MAPK8IP3: variants seen among roughly 807,000 people sequenced by gnomAD.
MAPK8IP3 encodes the protein C-Jun-amino-terminal kinase-interacting protein 3.
MAPK8IP3 carries 49 observed loss-of-function variants against 157.8 expected under a neutral mutation model. The observed-to-expected ratio is 0.31, with a 90% confidence interval of 0.25 to 0.39. The LOEUF (loss-of-function observed/expected upper bound fraction) is 0.39, where lower values mean the gene tolerates loss of function less well. MAPK8IP3 is among the 10% of genes least tolerant of loss of function. MAPK8IP3 has a pLI of 1.00. For synonymous variants in MAPK8IP3, 897 were observed against 777.7 expected, an observed-to-expected ratio of 1.15 and a Z score of -2.55; for missense variants, 1,478 against 1,889.4, an observed-to-expected ratio of 0.78 and a Z score of 4.04.
rs553019185 is a variant in MAPK8IP3, at chr16:1,751,523, C to G, written c.1216+2803C>G. 180 of 152,130 alleles carry G rather than the reference C, an allele frequency of 1.2e-3. 1 individual carries two copies. Among genetic ancestry groups the G allele is most frequent in the Non-Finnish European group, 1.7e-3 (113 of 67,994 alleles). 9.4% of individuals were successfully genotyped at this position (152,130 alleles called of 1,614,324 possible). A position where few individuals can be genotyped will look rare whatever the true frequency, so the allele number is the denominator to read the frequency against. On this transcript the variant is annotated intron_variant, in intron 8 of 31. Coordinates refer to ENST00000610761, the MANE Select transcript of MAPK8IP3 (RefSeq NM_001318852.2). This position sits in a 1 kb window ranked among gnomAD's most constrained non-coding sequence, Gnocchi z 5.0. ...TGAGAGCTCGGACTTGAACGCAGGTCCCACCCAGAACAGCAGCCCTAACTC... is the reference window on the plus strand; with the variant it reads ...TGAGAGCTCGGACTTGAACGCAGGTGCCACCCAGAACAGCAGCCCTAACTC...
chr16:1,724,592 G>A lies in MAPK8IP3; in HGVS notation c.354G>A (p.Glu118=), dbSNP rs2142333650. The change falls in exon 2 of 32, where the codon GAG becomes GAA. Residue 118 remains glutamate (E), a synonymous_variant. Transcript: ENST00000610761. This position sits in a 1 kb window ranked among gnomAD's most constrained non-coding sequence, Gnocchi z 4.1. ...AGTTTGAAGATGCTCTGGAACAAGAGAAGAAAGAGCTGCAAATCCAGGTGG... is the reference window on the plus strand; with the variant it reads ...AGTTTGAAGATGCTCTGGAACAAGAAAAGAAAGAGCTGCAAATCCAGGTGG... ...FIEFEDALEQ[E]KKELQIQVEH... 2 of 1,613,644 alleles carry A rather than the reference G, an allele frequency of 1.2e-6. No individual in the cohort carries two copies. Among genetic ancestry groups the A allele is most frequent in the East Asian group, 2.2e-5 (1 of 44,888 alleles).
intron 2 of MAPK8IP3, among the ~76,000 whole-genome samples, chr16:1,725,846 C>T (rs962610410): frequency 5.9e-5 from 9 of 151,836 alleles, no homozygotes; most frequent in Non-Finnish European, 1.0e-4. Flanking sequence ...TACAGGTGCC[C>T]GCCACCACAC....
chr16:1,743,325 A>G lies in MAPK8IP3; in HGVS notation c.603-7A>G, dbSNP rs2040785874. 1 of 1,545,200 alleles carries G rather than the reference A, an allele frequency of 6.5e-7. No individual in the cohort carries two copies. The highest frequency in any genetic ancestry group is 2.2e-5 in the Admixed American group (1 of 44,918). ...ATCGCTTCCTCTCCTCTCGCCCCCCATTTCAGCAGGAAGGAGCGCCCCACC... is the reference window on the plus strand; with the variant it reads ...ATCGCTTCCTCTCCTCTCGCCCCCCGTTTCAGCAGGAAGGAGCGCCCCACC... On this transcript the variant is annotated splice_region_variant and splice_polypyrimidine_tract_variant and intron_variant, in intron 4 of 31. Coordinates refer to ENST00000610761, the MANE Select transcript of MAPK8IP3 (RefSeq NM_001318852.2). The surrounding 1 kb of genome is among the most constrained non-coding windows in gnomAD (Gnocchi z 5.6).
chr16:1,731,816 CT>C (rs1178203190), intron 4 of MAPK8IP3, among the ~76,000 whole-genome samples: 1 of 152,180 alleles, frequency 6.6e-6, no homozygotes, highest in African/African-American at 2.4e-5. Flanking sequence ...TATTTTTCCC[CT>C]AGGGGCAATG....
Position 1,706,546 on chromosome 16 carries a change from G to A in MAPK8IP3, c.207G>A (p.Val69=), listed in dbSNP as rs755200082. The A allele has an allele frequency of 5.6e-6, 9 of 1,613,658 alleles. No homozygotes were observed. The highest frequency in any genetic ancestry group is 1.6e-4 in the Middle Eastern group (1 of 6,084). The change falls in exon 1 of 32, where the codon GTG becomes GTA. Residue 69 remains valine (V), a synonymous_variant. Transcript: ENST00000610761. The surrounding 1 kb of genome is among the most constrained non-coding windows in gnomAD (Gnocchi z 5.1). ...ACGTGCTGGAGAACCTAGACTCGGT[G>A]CTCAGCGAGAACCAGGAGCACGAGG... The part of the protein sequence containing the change: ...VVNVLENLDS[V]LSENQEHEVE...
At chr16:1,728,515 C>A (rs982494582) in intron 2 of MAPK8IP3, among the ~76,000 whole-genome samples, 2 of 152,206 alleles carry the variant, frequency 1.3e-5, no homozygotes, top group African/African-American at 4.8e-5. Flanking sequence ...GTTTCCCCAC[C>A]CCCATATTTA....
chr16:1,756,114 G>A (rs548795403), intron 8 of MAPK8IP3, among the ~76,000 whole-genome samples: 74 of 152,288 alleles, frequency 4.9e-4, no homozygotes, highest in African/African-American at 1.7e-3. Flanking sequence ...GCTCCTTCGA[G>A]GGAGCAGTCG....
rs758533722 is a variant in MAPK8IP3, at chr16:1,760,502, G to T, written c.1427G>T (p.Arg476Leu). ...AKQAKVKLEN[R>L]IKELEEELKR... Reference sequence around the variant, plus strand: ...CAGGCCAAAGTCAAGCTGGAAAACCGTATCAAGGAGCTGGAAGAGGAACTG... The same window carrying T: ...CAGGCCAAAGTCAAGCTGGAAAACCTTATCAAGGAGCTGGAAGAGGAACTG... Residue 476 changes from arginine (R) to leucine (L), a missense_variant, in exon 12 of 32, where the codon CGT (arginine) becomes CTT (leucine). Around this residue, in one of 11 missense-constraint regions of MAPK8IP3, gnomAD observed 96 missense variants for 106.3 expected, o/e 0.90. Coordinates refer to ENST00000610761, the MANE Select transcript of MAPK8IP3 (RefSeq NM_001318852.2). 11 of 1,613,582 alleles carry T rather than the reference G, an allele frequency of 6.8e-6. No individual in the cohort carries two copies. Among genetic ancestry groups the T allele is most frequent in the Non-Finnish European group, 9.3e-6 (11 of 1,179,630 alleles).
At chr16:1,720,563 C>T (rs1318216467) in intron 1 of MAPK8IP3, among the ~76,000 whole-genome samples, 1 of 152,216 alleles carries the variant, frequency 6.6e-6, no homozygotes, top group Non-Finnish European at 1.5e-5. Context: ...GCTCTACACA[C>T]ACACATACAA....
intron 1 of MAPK8IP3, chr16:1,713,417 A>G (rs2037925511): frequency 6.6e-6 from 1 of 152,234 alleles, no homozygotes; most frequent in Non-Finnish European, 1.5e-5. Context: ...ACATGTGGCC[A>G]GGGCTTCCAT....
At position 1,764,472 on chromosome 16, in the gene MAPK8IP3, G is replaced by T. The variant is rs751603722; in HGVS notation, c.2280+13G>T. ...CGAGAAGAAGAAGGTGAGCATGGCC[G>T]AGGCCACCGGGCACCCTCCCTGGCT... On this transcript the variant is annotated intron_variant, in intron 19 of 31. Transcript: ENST00000610761. 1.2e-6 allele frequency: 2 copies of T among 1,606,040 alleles called. No individual in the cohort carries two copies. Among genetic ancestry groups the T allele is most frequent in the South Asian group, 1.1e-5 (1 of 90,008 alleles).
rs375435033 is a variant in MAPK8IP3, at chr16:1,767,926, G to C, written c.3523+8G>C. 8.3e-4 allele frequency: 1,337 copies of C among 1,609,876 alleles called. 3 individuals are homozygous for C. The highest frequency in any genetic ancestry group is 1.0e-3 in the Non-Finnish European group (1,202 of 1,179,156). ...CCATCCCCCTGACAGAGAGTGAGTGGCCTGCACACCTGCAGGGGCAGTGGT... is the reference window on the plus strand; with the variant it reads ...CCATCCCCCTGACAGAGAGTGAGTGCCCTGCACACCTGCAGGGGCAGTGGT... On this transcript the variant is annotated splice_region_variant and intron_variant, in intron 28 of 31. Transcript: ENST00000610761.
At position 1,764,286 on chromosome 16, in the gene MAPK8IP3, G is replaced by GC; in HGVS notation, c.2122-12dup. 2 of 1,583,632 alleles carry GC rather than the reference G, an allele frequency of 1.3e-6. No individual in the cohort carries two copies. Among genetic ancestry groups the GC allele is most frequent in the Non-Finnish European group, 1.7e-6 (2 of 1,166,286 alleles). ...GGAGTGCCGGTGACACCCGACCTCGGCCCTGCCCTTGCAGCTGTGGTGTGC... is the reference window on the plus strand; with the variant it reads ...GGAGTGCCGGTGACACCCGACCTCGGCCCCTGCCCTTGCAGCTGTGGTGTGC... On this transcript the variant is annotated splice_polypyrimidine_tract_variant and intron_variant, in intron 18 of 31. Transcript: ENST00000610761.
In MAPK8IP3 at chr16:1,751,163, G is replaced by A. The variant is rs950245080; in HGVS notation, c.1216+2443G>A. On this transcript the variant is annotated intron_variant, in intron 8 of 31. Transcript: ENST00000610761. The surrounding 1 kb of genome is among the most constrained non-coding windows in gnomAD (Gnocchi z 5.0). ...CCTGCCAGTGTCCCCATTTATAGAT[G>A]AAGAAACTGAGGCCGGGCACAGTGG... 6.6e-6 allele frequency among the ~76,000 whole-genome samples: 1 copy of A among 151,952 alleles called. No homozygotes were observed. Among genetic ancestry groups the A allele is most frequent in the African/African-American group, 2.4e-5 (1 of 41,400 alleles).
rs111816884 is a variant in MAPK8IP3, at chr16:1,724,483, C to T, written c.319-74C>T. The stretch of plus-strand genomic sequence containing the variant: ...TTGGCCCCTGGGCCCTCAAAGCCTG[C>T]GGCCCTTCAAGTGAAAGGCGGCTGC... On this transcript the variant is annotated intron_variant, in intron 1 of 31. Coordinates refer to ENST00000610761, the MANE Select transcript of MAPK8IP3 (RefSeq NM_001318852.2). The surrounding 1 kb of genome is among the most constrained non-coding windows in gnomAD (Gnocchi z 4.1). The T allele has an allele frequency of 0.051, 79,697 of 1,558,326 alleles. 2,449 individuals are homozygous for T. Among genetic ancestry groups the T allele is most frequent in the Non-Finnish European group, 0.061 (70,302 of 1,148,644 alleles).
chr16:1,766,243 G>A lies in MAPK8IP3; in HGVS notation c.2653G>A (p.Gly885Arg), dbSNP rs756995303. The change falls in exon 22 of 32, where the codon GGG becomes AGG. Residue 885 changes from glycine to arginine, a missense_variant. By Grantham distance (125) the Gly-to-Arg change is moderately radical. Coordinates refer to ENST00000610761, the MANE Select transcript of MAPK8IP3 (RefSeq NM_001318852.2). ...GQGEVATIAN[G>R]KVNPSQSTEE... Reference sequence around the variant, plus strand: ...AGGGGAGGTGGCCACCATCGCCAACGGGAAGGTCAACCCGTCCCAGTCCAC... The same window carrying A: ...AGGGGAGGTGGCCACCATCGCCAACAGGAAGGTCAACCCGTCCCAGTCCAC... 79 of 1,610,286 alleles carry A rather than the reference G, an allele frequency of 4.9e-5. No individual in the cohort carries two copies. Among genetic ancestry groups the A allele is most frequent in the Middle Eastern group, 1.6e-4 (1 of 6,080 alleles).
chr16:1,740,006 CCGTGTGAG>C (rs2040548299), intron 4 of MAPK8IP3, among the ~76,000 whole-genome samples: 1 of 103,062 alleles, frequency 9.7e-6, no homozygotes, highest in Non-Finnish European at 1.9e-5. Flanking sequence ...GTGTGACCAT[CCGTGTGAG>C]CGTGTGAGCA....
In MAPK8IP3 at chr16:1,747,114, C is replaced by T. The variant is rs1365639070; in HGVS notation, c.833C>T (p.Thr278Ile). The T allele has an allele frequency of 1.2e-6, 2 of 1,613,840 alleles. No homozygotes were observed. Among genetic ancestry groups the T allele is most frequent in the African/African-American group, 1.3e-5 (1 of 74,936 alleles). ...ACAGGCACCAAGTCCAACACGCCCA[C>T]ATCCTCCGTGCCCTCGGCCGCCGTC... is the stretch of plus-strand genomic sequence containing the variant. ...STTGTKSNTPTSSVPSAAVTP... is the reference protein window; with the variant it reads ...STTGTKSNTPISSVPSAAVTP... Residue 278 changes from threonine to isoleucine, a missense_variant, in exon 6 of 32, where the codon ACA (threonine) becomes ATA (isoleucine). This residue lies in a region of MAPK8IP3 where 315 missense variants were observed against 394.4 expected (regional missense o/e 0.80). Transcript: ENST00000610761.
At chr16:1,753,448 TA>T (rs747614550) in intron 8 of MAPK8IP3, among the ~76,000 whole-genome samples, 39 of 150,408 alleles carry the variant, frequency 2.6e-4, no homozygotes, top group African/African-American at 7.6e-4. Context: ...TTTATTTATT[TA>T]TTTATTTTTG....
Sources: allele counts gnomAD v4.1 joint callset (sites outside exome capture counted in the v4.1 genomes callset), GRCh38; gene constraint gnomAD v4.1.1; regional missense constraint gnomAD v4.1.1; non-coding constraint Gnocchi (gnomAD v3.1); transcripts MANE v1.5; gene names NCBI Gene and HGNC (gene_info 2026-07-23, HGNC 2026-07-21).